The following SEL1L variants were observed in gnomAD, a reference collection of about 807,000 sequenced individuals.
SEL1L encodes the protein SEL1L adaptor subunit of SYVN1 ubiquitin ligase, also known as protein sel-1 homolog 1.
SEL1L carries 52 observed loss-of-function variants against 109.8 expected under a neutral mutation model. The observed-to-expected ratio is 0.47, with a 90% CI of 0.38 to 0.60. SEL1L has a LOEUF of 0.60. SEL1L is among the 20% of genes least tolerant of loss of function. The probability of loss-of-function intolerance (pLI) is 0.00; values close to 1 mark genes in which losing one functional copy is unlikely to be tolerated. For missense variants in SEL1L, 749 were observed against 962.2 expected (o/e 0.78, Z 2.93); for synonymous variants, 373 against 339.6 (o/e 1.10, Z -1.08).
intron 18 of SEL1L, 61 bp from the exon 19 acceptor site, chr14:81,484,458 C>CT: frequency 6.9e-7 from 1 of 1,445,326 alleles, no homozygotes; most frequent in Middle Eastern, 1.8e-4. Flanking sequence ...ACAGATCAAA[C>CT]TTTTTTCTCC....
chr14:81,473,324 C>T lies in SEL1L; in HGVS notation c.*3648G>A, dbSNP rs112209636. On this transcript the variant is annotated 3_prime_UTR_variant, in exon 21 of 21. Coordinates refer to ENST00000336735, the MANE Select transcript of SEL1L (RefSeq NM_005065.6). ...AACATTGGACTTTTACTTGTGCAGT[C>T]ACTTTAACATACAAATCATCTTTCC... 7.9e-5 allele frequency: 12 copies of T among 152,168 alleles called. No homozygotes were observed. The highest frequency in any genetic ancestry group is 2.9e-4 in the African/African-American group (12 of 41,448). The allele number at this position is 152,168 out of a possible 1,614,324, so 9.4% of individuals were successfully genotyped here.
intron 3 of SEL1L, among the ~76,000 whole-genome samples, chr14:81,511,508 A>G (rs1430945954): frequency 2.0e-5 from 3 of 152,236 alleles, no homozygotes; most frequent in Non-Finnish European, 2.9e-5. Flanking sequence ...GCTGGGATCT[A>G]CAAGGATGGT....
In SEL1L at chr14:81,476,864, T is replaced by A. The variant is rs1212137898; in HGVS notation, c.*108A>T. The A allele has an allele frequency of 9.6e-7, 1 of 1,045,848 alleles. No individual in the cohort carries two copies. Among genetic ancestry groups the A allele is most frequent in the East Asian group, 2.6e-5 (1 of 39,148 alleles). 64.8% of individuals were successfully genotyped at this position (1,045,848 alleles called of 1,614,324 possible). Reference sequence around the variant, plus strand: ...AGGAATTCAATGCTTCCTTGTGCCGTGCCTCTTCTGGGAGGTGACCACTGA... The same window carrying A: ...AGGAATTCAATGCTTCCTTGTGCCGAGCCTCTTCTGGGAGGTGACCACTGA... On this transcript the variant is annotated 3_prime_UTR_variant, in exon 21 of 21. Coordinates refer to ENST00000336735, the MANE Select transcript of SEL1L (RefSeq NM_005065.6).
At chr14:81,506,376 G>C in intron 3 of SEL1L, 135 bp from the exon 4 acceptor site, 1 of 741,804 alleles carries the variant, frequency 1.3e-6, no homozygotes, top group Non-Finnish European at 2.1e-6. Context: ...GAACATAAAA[G>C]GGCTAGCAAT....
intron 1 of SEL1L, among the ~76,000 whole-genome samples, chr14:81,530,958 G>A (rs549061738): frequency 2.0e-4 from 30 of 152,224 alleles, no homozygotes; most frequent in Admixed American, 2.6e-4. Context: ...ACATAGAAAA[G>A]CTACAGTGAA....
At chr14:81,522,028 AT>A (rs1370901790) in intron 3 of SEL1L, among the ~76,000 whole-genome samples, 1 of 152,202 alleles carries the variant, frequency 6.6e-6, no homozygotes, top group African/African-American at 2.4e-5. Flanking sequence ...TTAAAAAAAA[AT>A]TTAAAAATAG....
At chr14:81,514,179 C>A (rs925767583) in intron 3 of SEL1L, among the ~76,000 whole-genome samples, 2 of 152,186 alleles carry the variant, frequency 1.3e-5, no homozygotes, top group African/African-American at 4.8e-5. Context: ...AAAGCCCCAT[C>A]GGGGCGGGGG....
chr14:81,525,601 A>G (rs1182865812), intron 3 of SEL1L, among the ~76,000 whole-genome samples: 1 of 152,056 alleles, frequency 6.6e-6, no homozygotes, highest in Non-Finnish European at 1.5e-5. Flanking sequence ...ACTGTCTTTT[A>G]AACTTTTACA....
chr14:81,521,016 G>A (rs1352792412), intron 3 of SEL1L, among the ~76,000 whole-genome samples: 1 of 152,036 alleles, frequency 6.6e-6, no homozygotes, highest in Non-Finnish European at 1.5e-5. Context: ...TCTACACCCC[G>A]CTCACGTCTT....
rs1012029905 is a variant in SEL1L at position 81,472,860 on chromosome 14, C to T, written c.*4112G>A. 8.5e-6 allele frequency: 2 copies of T among 236,322 alleles called. No individual in the cohort carries two copies. Among genetic ancestry groups the T allele is most frequent in the African/African-American group, 4.7e-5 (2 of 42,720 alleles). The allele number at this position is 236,322 out of a possible 1,614,324, so 14.6% of individuals were successfully genotyped here. On this transcript the variant is annotated 3_prime_UTR_variant, in exon 21 of 21. Coordinates refer to ENST00000336735, the MANE Select transcript of SEL1L (RefSeq NM_005065.6). The stretch of plus-strand genomic sequence containing the variant: ...AAAAACATTAAAAAATTGAATCATT[C>T]AGCTTAAAAAAAGTCTGTCTGGAAA...
chr14:81,513,959 C>G (rs1884594597), intron 3 of SEL1L, among the ~76,000 whole-genome samples: 1 of 152,244 alleles, frequency 6.6e-6, no homozygotes, highest in African/African-American at 2.4e-5. Context: ...TCCTATCTAT[C>G]CTGACCCTTG....
At chr14:81,477,266 C>T in intron 20 of SEL1L, 85 bp from the exon 21 acceptor site, 1 of 1,072,564 alleles carries the variant, frequency 9.3e-7, no homozygotes, top group Non-Finnish European at 1.4e-6. Flanking sequence ...GAAGTAAGTA[C>T]AGAAATTAAA....
chr14:81,485,451 GT>G (rs370288974), intron 18 of SEL1L, among the ~76,000 whole-genome samples: 116 of 138,742 alleles, frequency 8.4e-4, no homozygotes, highest in South Asian at 3.0e-3. Flanking sequence ...AATTTTTTTT[GT>G]TTTTTTTTTT....
At chr14:81,525,763 C>T (rs147160612) in intron 3 of SEL1L, among the ~76,000 whole-genome samples, 2 of 152,200 alleles carry the variant, frequency 1.3e-5, no homozygotes, top group East Asian at 3.9e-4. Context: ...CATTAACTAT[C>T]AAATTGAAAA....
intron 3 of SEL1L, among the ~76,000 whole-genome samples, chr14:81,515,199 G>C (rs1040022703): frequency 2.0e-5 from 3 of 152,202 alleles, no homozygotes; most frequent in Non-Finnish European, 2.9e-5. Flanking sequence ...CTGTAGGGGA[G>C]GGGAATTTGG....
intron 10 of SEL1L, among the ~76,000 whole-genome samples, chr14:81,496,237 T>TG (rs1013241318): frequency 6.6e-6 from 1 of 151,686 alleles, no homozygotes; most frequent in African/African-American, 2.4e-5. Flanking sequence ...GGCAGGAGAA[T>TG]GGCATGAACC....
chr14:81,527,461 A>ACACACAGAGCACATT (rs747543367), intron 2 of SEL1L, among the ~76,000 whole-genome samples: 1 of 151,934 alleles, frequency 6.6e-6, no homozygotes, highest in Non-Finnish European at 1.5e-5. Context: ...ACACACACAC[A>ACACACAGAGCACATT]CACACACACA....
intron 19 of SEL1L, among the ~76,000 whole-genome samples, chr14:81,483,686 C>T (rs997118084): frequency 3.3e-5 from 5 of 152,016 alleles, no homozygotes; most frequent in Non-Finnish European, 7.4e-5. Context: ...AATGTTAATG[C>T]TTAAAATAGC....
intron 3 of SEL1L, 132 bp downstream of exon 3, chr14:81,526,601 A>C: frequency 2.8e-6 from 2 of 711,740 alleles, no homozygotes; most frequent in East Asian, 2.6e-5. Context: ...AATTCTCTCC[A>C]AACTACACTC....
Sources: gnomAD v4.1 joint callset for allele counts (sites outside exome capture counted in the v4.1 genomes callset) on GRCh38, gnomAD v4.1.1 for gene constraint, MANE v1.5 for transcripts, NCBI Gene and HGNC (gene_info 2026-07-23, HGNC 2026-07-21) for gene names.